Variants in PTPRN2 observed in about 807,000 individuals in gnomAD.
PTPRN2 encodes protein tyrosine phosphatase receptor type N2.
Under a neutral mutation model 118.8 loss-of-function variants are expected in PTPRN2, and 74 were observed. The observed-to-expected ratio is 0.62, with a 90% confidence interval of 0.52 to 0.76. The LOEUF (loss-of-function observed/expected upper bound fraction) is 0.76. PTPRN2 is among the 30% of genes least tolerant of loss of function. The pLI, the probability that PTPRN2 is intolerant of heterozygous loss-of-function variation, is 0.00. For missense variants in PTPRN2, 1,481 were observed against 1,394.4 expected, an observed-to-expected ratio of 1.06 and a Z score of -0.99; for synonymous variants, 641 against 608.0, an observed-to-expected ratio of 1.05 and a Z score of -0.80.
At chr7:158,450,527 C>A (rs550666588) in intron 2 of PTPRN2, among the ~76,000 whole-genome samples, 25 of 152,306 alleles carry the variant, frequency 1.6e-4, no homozygotes. Context: ...GCAGCTGGAA[C>A]CCCCACCCCT....
intron 12 of PTPRN2, among the ~76,000 whole-genome samples, chr7:157,820,259 G>A (rs1806735814): frequency 6.8e-6 from 1 of 147,164 alleles, no homozygotes; most frequent in South Asian, 2.2e-4. Context: ...CACACATGCA[G>A]CAGACACACA....
chr7:157,678,008 C>T (rs1378559054), intron 13 of PTPRN2, among the ~76,000 whole-genome samples: 1 of 152,196 alleles, frequency 6.6e-6, no homozygotes, highest in East Asian at 1.9e-4. Flanking sequence ...TCTGTACTAT[C>T]AGCTACATTT....
intron 2 of PTPRN2, among the ~76,000 whole-genome samples, chr7:158,340,131 G>T (rs71547510): frequency 4.9e-5 from 1 of 20,534 alleles, no homozygotes; most frequent in Non-Finnish European, 1.0e-4. Context: ...GTGACACCTG[G>T]AGACGTCACT....
At chr7:157,876,079 A>C (rs1229488153) in intron 12 of PTPRN2, among the ~76,000 whole-genome samples, 1 of 152,224 alleles carries the variant, frequency 6.6e-6, no homozygotes, top group African/African-American at 2.4e-5. Context: ...CAGCACCTGC[A>C]GCTCCTTGGA....
chr7:158,284,401 C>T (rs1479633477), intron 3 of PTPRN2, among the ~76,000 whole-genome samples: 1 of 152,168 alleles, frequency 6.6e-6, no homozygotes, highest in Non-Finnish European at 1.5e-5. Flanking sequence ...ATGCACTTGG[C>T]CCTCTTGATG....
intron 5 of PTPRN2, among the ~76,000 whole-genome samples, chr7:158,186,826 A>C (rs1825204605): frequency 6.6e-6 from 1 of 152,248 alleles, no homozygotes; most frequent in Non-Finnish European, 1.5e-5. Flanking sequence ...TACCCAGCAA[A>C]ACTGTAAAAT....
At chr7:158,534,780 T>G (rs1375131890) in intron 1 of PTPRN2, among the ~76,000 whole-genome samples, 2 of 152,172 alleles carry the variant, frequency 1.3e-5, no homozygotes, top group Non-Finnish European at 2.9e-5. Context: ...TCTCCATATG[T>G]TTCTTGGCTC....
At chr7:158,373,748 A>G (rs1810281951) in intron 2 of PTPRN2, among the ~76,000 whole-genome samples, 1 of 152,340 alleles carries the variant, frequency 6.6e-6, no homozygotes, top group African/African-American at 2.4e-5. Context: ...ATTCAAATAA[A>G]TAGCAACTGT....
chr7:158,006,159 C>T (rs1030269385), intron 11 of PTPRN2, among the ~76,000 whole-genome samples: 1 of 152,210 alleles, frequency 6.6e-6, no homozygotes, highest in Middle Eastern at 3.2e-3. Flanking sequence ...CTGCAACCAA[C>T]TTACGGAGTT....
chr7:157,936,515 C>T lies in PTPRN2; in HGVS notation c.1724-37778G>A, dbSNP rs115746950. On this transcript the variant is annotated intron_variant, in intron 11 of 22. Coordinates refer to ENST00000389418, the MANE Select transcript of PTPRN2 (RefSeq NM_002847.5). Reference sequence around the variant, plus strand: ...ATTCCCACCACCTCTCCCTGTTCTCCCGAGCACCACTCAATCTCACTTCTA... The same window carrying T: ...ATTCCCACCACCTCTCCCTGTTCTCTCGAGCACCACTCAATCTCACTTCTA... Among the ~76,000 whole-genome samples the T allele has an allele frequency of 2.5e-3, 380 of 151,954 alleles. 4 individuals carry two copies. The highest frequency in any genetic ancestry group is 9.0e-3 in the African/African-American group (372 of 41,350).
intron 3 of PTPRN2, among the ~76,000 whole-genome samples, chr7:158,273,293 G>A (rs6952110): frequency 0.28 from 42,182 of 151,990 alleles, 6,213 homozygotes; most frequent in African/African-American, 0.38. Context: ...AGCACCCACC[G>A]CAAGCCCACA....
chr7:158,173,675 G>A (rs1823918577), intron 5 of PTPRN2, among the ~76,000 whole-genome samples: 1 of 152,194 alleles, frequency 6.6e-6, no homozygotes, highest in South Asian at 2.1e-4. Flanking sequence ...CAGGAGACCA[G>A]GGAGAATTTC....
intron 4 of PTPRN2, among the ~76,000 whole-genome samples, chr7:158,199,452 T>C (rs1465218659): frequency 1.3e-5 from 2 of 152,238 alleles, no homozygotes; most frequent in African/African-American, 2.4e-5. Context: ...GAGCTTGTGG[T>C]TGCCACTCTG....
rs1332437757 is a variant in PTPRN2 at position 158,303,449 on chromosome 7, C to G, written c.277+13370G>C. 2.6e-5 allele frequency among the ~76,000 whole-genome samples: 4 copies of G among 152,196 alleles called. No individual in the cohort carries two copies. In the South Asian group the frequency reaches 6.2e-4, roughly 24 times the overall value. On this transcript the variant is annotated intron_variant, in intron 3 of 22. Transcript: ENST00000389418. ...TAAAACTACTGTTAAAATTTTACTG[C>G]TCTATACTATATCCAGTATTCCCTT... is the stretch of plus-strand genomic sequence containing the variant.
chr7:158,441,073 T>TA (rs1817060541), intron 2 of PTPRN2, among the ~76,000 whole-genome samples: 1 of 139,942 alleles, frequency 7.1e-6, no homozygotes, highest in Non-Finnish European at 1.5e-5. Flanking sequence ...GTGGTAGTGA[T>TA]GGTGGTGCTG....
At chr7:158,149,993 A>C (rs138124670) in intron 6 of PTPRN2, among the ~76,000 whole-genome samples, 13 of 152,244 alleles carry the variant, frequency 8.5e-5, no homozygotes, top group Non-Finnish European at 1.9e-4. Context: ...CTGTTTGTTA[A>C]GCCTCATTAC....
intron 2 of PTPRN2, among the ~76,000 whole-genome samples, chr7:158,328,552 C>A (rs1412634218): frequency 6.6e-6 from 1 of 152,200 alleles, no homozygotes; most frequent in Non-Finnish European, 1.5e-5. Context: ...AGGAGCCCCA[C>A]GTCCGGGCAG....
At chr7:157,686,968 C>T (rs992335904) in intron 12 of PTPRN2, among the ~76,000 whole-genome samples, 3 of 152,116 alleles carry the variant, frequency 2.0e-5, no homozygotes, top group African/African-American at 7.2e-5. Flanking sequence ...AGTACAATAT[C>T]GCATATTTCT....
intron 12 of PTPRN2, among the ~76,000 whole-genome samples, chr7:157,769,399 G>A (rs534791493): frequency 6.6e-6 from 1 of 152,166 alleles, no homozygotes; most frequent in East Asian, 1.9e-4. Flanking sequence ...TCCCCTCATT[G>A]TCGGGGGGGC....
Sources: allele counts gnomAD v4.1 joint callset (sites outside exome capture counted in the v4.1 genomes callset), GRCh38; gene constraint gnomAD v4.1.1; transcripts MANE v1.5; gene names NCBI Gene and HGNC (gene_info 2026-07-23, HGNC 2026-07-21).